Variants in STAMBP observed in about 807,000 individuals in gnomAD.
The protein encoded by STAMBP is STAM-binding protein.
STAMBP carries 31 observed loss-of-function variants against 50.7 expected under a neutral mutation model. The observed-to-expected ratio is 0.61, with a 90% CI of 0.46 to 0.83. The LOEUF is 0.83. Ranked by LOEUF, STAMBP falls within the 40% of genes least tolerant of loss-of-function variation. The pLI is 0.00. For synonymous variants in STAMBP, 211 were observed against 192.4 expected, an observed-to-expected ratio of 1.10 and a Z score of -0.80; for missense variants, 472 against 518.9, an observed-to-expected ratio of 0.91 and a Z score of 0.88.
chr2:73,843,420 G>GTATATATATATA (rs3980653), intron 2 of STAMBP, among the ~76,000 whole-genome samples: 2 of 112,344 alleles, frequency 1.8e-5, no homozygotes, highest in African/African-American at 6.6e-5. Context: ...ATATATATAT[G>GTATATATATATA]TATATATATA....
At chr2:73,837,429 CA>C (rs34700778) in intron 2 of STAMBP, among the ~76,000 whole-genome samples, 36,791 of 151,340 alleles carry the variant, frequency 0.24, 4,574 homozygotes, top group East Asian at 0.34. Flanking sequence ...ACTAAAAATA[CA>C]AAAAATAAGC....
In STAMBP at chr2:73,866,254, G is replaced by A. The variant is rs1678877791; in HGVS notation, c.*3995G>A. ...AGCACTGTGACGCTACATAACCATG[G>A]GCTCTGTCCTTCCAGTTCCTTTAGT... is the stretch of plus-strand genomic sequence containing the variant. On this transcript the variant is annotated 3_prime_UTR_variant, in exon 10 of 10. Coordinates refer to ENST00000394070, the MANE Select transcript of STAMBP (RefSeq NM_213622.4). 1 of 152,212 alleles carries A rather than the reference G, an allele frequency of 6.6e-6. No individual in the cohort carries two copies. The highest frequency in any genetic ancestry group is 1.5e-5 in the Non-Finnish European group (1 of 68,064). 9.4% of individuals were successfully genotyped at this position (152,212 alleles called of 1,614,324 possible). A position where few individuals can be genotyped will look rare whatever the true frequency, so the allele number is the denominator to read the frequency against.
intron 2 of STAMBP, among the ~76,000 whole-genome samples, chr2:73,838,967 T>C (rs1230547354): frequency 6.6e-6 from 1 of 152,242 alleles, no homozygotes; most frequent in Non-Finnish European, 1.5e-5. Flanking sequence ...GTCTGTTTTC[T>C]GTTGTATTTT....
chr2:73,864,271 A>C lies in STAMBP; in HGVS notation c.*2012A>C, dbSNP rs1413996054. Reference sequence around the variant, plus strand: ...AAAGACATTCAGCCAGGTCAACAACATATCATACGTTGCAACCACATTGAT... The same window carrying C: ...AAAGACATTCAGCCAGGTCAACAACCTATCATACGTTGCAACCACATTGAT... On this transcript the variant is annotated 3_prime_UTR_variant, in exon 10 of 10. Coordinates refer to ENST00000394070, the MANE Select transcript of STAMBP (RefSeq NM_213622.4). 6.6e-6 allele frequency: 1 copy of C among 152,252 alleles called. No homozygotes were observed. 9.4% of individuals were successfully genotyped at this position (152,252 alleles called of 1,614,324 possible).
chr2:73,859,214 A>G, intron 7 of STAMBP, 40 bp from the exon 8 acceptor site: 1 of 1,535,294 alleles, frequency 6.5e-7, no homozygotes, highest in Non-Finnish European at 9.0e-7. Context: ...ATTACCATAT[A>G]TCCTCGCTAA....
intron 2 of STAMBP, among the ~76,000 whole-genome samples, chr2:73,832,983 A>G (rs1674151468): frequency 6.6e-6 from 1 of 152,244 alleles, no homozygotes; most frequent in South Asian, 2.1e-4. Flanking sequence ...GTTAAATTTA[A>G]CAGAGTTTAA....
At chr2:73,847,049 TTC>T (rs1225425051) in intron 4 of STAMBP, among the ~76,000 whole-genome samples, 1 of 147,722 alleles carries the variant, frequency 6.8e-6, no homozygotes, top group Non-Finnish European at 1.5e-5. Flanking sequence ...GCCATTGCAC[TTC>T]AGCCTGGGAA....
intron 5 of STAMBP, among the ~76,000 whole-genome samples, chr2:73,847,986 G>A (rs1255559348): frequency 6.6e-6 from 1 of 152,184 alleles, no homozygotes; most frequent in East Asian, 1.9e-4. Context: ...ATTCTTGAAA[G>A]TCAGACTGTC....
intron 10 of STAMBP, among the ~76,000 whole-genome samples, chr2:73,872,524 C>G (rs1384793295): frequency 1.3e-5 from 2 of 149,948 alleles, no homozygotes; most frequent in African/African-American, 5.0e-5. Flanking sequence ...ATGTTACGCT[C>G]TCTGTCCTCA....
In STAMBP at chr2:73,830,934, G is replaced by A; in HGVS notation, c.78G>A (p.Glu26=). The stretch of plus-strand genomic sequence containing the variant: ...TCTCCCAGCTGGGTAGTGCGGTAGA[G>A]GTGAATGAAGACATTCCACCCCGTC... ...RALSQLGSAV[E]VNEDIPPRRY... is the part of the protein sequence containing the mutation. The change falls in exon 2 of 10, where the codon GAG becomes GAA. Residue 26 remains glutamate, a synonymous_variant. Coordinates refer to ENST00000394070, the MANE Select transcript of STAMBP (RefSeq NM_213622.4). 6.2e-7 allele frequency: 1 copy of A among 1,614,132 alleles called. No individual in the cohort carries two copies. The highest frequency in any genetic ancestry group is 1.3e-5 in the African/African-American group (1 of 75,046).
At chr2:73,845,648 T>G (rs2104469149) in intron 4 of STAMBP, among the ~76,000 whole-genome samples, 1 of 152,002 alleles carries the variant, frequency 6.6e-6, no homozygotes, top group African/African-American at 2.4e-5. Flanking sequence ...TTTTTTTTTT[T>G]TTTGAGACAG....
Position 73,859,344 on chromosome 2 carries a change from G to A in STAMBP, c.1096G>A (p.Val366Ile), listed in dbSNP as rs1401093009. 6.2e-7 allele frequency: 1 copy of A among 1,614,114 alleles called. No homozygotes were observed. Among genetic ancestry groups the A allele is most frequent in the South Asian group, 1.1e-5 (1 of 91,076 alleles). Residue 366 changes from valine to isoleucine, a missense_variant, in exon 8 of 10, where the codon GTT (valine) becomes ATT (isoleucine). Physicochemically the swap from Val to Ile is conservative, Grantham distance 29. Transcript: ENST00000394070. ...GATGTTGCCAGAGTCAGTAGCCATT[G>A]TTTGCTCCCCCAAGTTCCAGGAGTG... ...QMMLPESVAI[V>I]CSPKFQETGF... is the part of the protein sequence containing the mutation.
chr2:73,847,668 A>G lies in STAMBP; in HGVS notation c.657A>G (p.Ser219=). The G allele has an allele frequency of 2.5e-6, 4 of 1,614,218 alleles. No individual in the cohort carries two copies. Among genetic ancestry groups the G allele is most frequent in the Non-Finnish European group, 3.4e-6 (4 of 1,180,028 alleles). ...PTLTVSSIQP[S]DCHTTVRPAK... is the part of the protein sequence containing the mutation. Reference sequence around the variant, plus strand: ...TAACAGTCTCATCCATACAGCCTTCAGACTGTCACACAACTGTAAGGCCAG... The same window carrying G: ...TAACAGTCTCATCCATACAGCCTTCGGACTGTCACACAACTGTAAGGCCAG... Residue 219 remains serine, a synonymous_variant, in exon 5 of 10, where the codon TCA becomes TCG. Coordinates refer to ENST00000394070, the MANE Select transcript of STAMBP (RefSeq NM_213622.4).
rs1171586160 is a variant in STAMBP at position 73,834,209 on chromosome 2, TAAAAAAAAA to T, written c.203+3170_203+3178del. Among the ~76,000 whole-genome samples, 26 of 8,540 alleles carry T rather than the reference TAAAAAAAAA, an allele frequency of 3.0e-3. 1 individual carries two copies. Among genetic ancestry groups the T allele is most frequent in the African/African-American group, 7.7e-3 (23 of 2,998 alleles). The allele number at this position is 8,540 out of a possible 152,430, so 5.6% of individuals were successfully genotyped here. A position where few individuals can be genotyped will look rare whatever the true frequency, so the allele number is the denominator to read the frequency against. ...CTGGGGACAGAGCAAGATCATGTCT[TAAAAAAAAA>T]AAAAAAAAAAAAAAAAAAATATATA... On this transcript the variant is annotated intron_variant, in intron 2 of 9. Coordinates refer to ENST00000394070, the MANE Select transcript of STAMBP (RefSeq NM_213622.4).
At chr2:73,835,127 A>T (rs1674552628) in intron 2 of STAMBP, among the ~76,000 whole-genome samples, 1 of 152,142 alleles carries the variant, frequency 6.6e-6, no homozygotes, top group South Asian at 2.1e-4. Context: ...TGATCTCAGC[A>T]CTTTGGGAGG....
chr2:73,831,776 A>G (rs1417960992), intron 2 of STAMBP, among the ~76,000 whole-genome samples: 2 of 152,136 alleles, frequency 1.3e-5, no homozygotes, highest in Non-Finnish European at 2.9e-5. Flanking sequence ...TGAGTAGCTC[A>G]TAGTGTGTTT....
At chr2:73,836,928 T>A (rs536258995) in intron 2 of STAMBP, among the ~76,000 whole-genome samples, 26 of 152,338 alleles carry the variant, frequency 1.7e-4, no homozygotes, top group Admixed American at 9.1e-4. Flanking sequence ...TCCTGAGGCA[T>A]GCAGAGAAGG....
At chr2:73,848,915 TG>T (rs1676460112) in intron 5 of STAMBP, among the ~76,000 whole-genome samples, 1 of 152,170 alleles carries the variant, frequency 6.6e-6, no homozygotes. Context: ...TAAGTTTTTG[TG>T]GGTACATAGT....
chr2:73,837,957 A>G, intron 2 of STAMBP, among the ~76,000 whole-genome samples: 1 of 152,228 alleles, frequency 6.6e-6, no homozygotes, highest in East Asian at 1.9e-4. Flanking sequence ...CATGGGAGCC[A>G]AAATAAATTA....
Sources: allele counts gnomAD v4.1 joint callset (sites outside exome capture counted in the v4.1 genomes callset), GRCh38; gene constraint gnomAD v4.1.1; transcripts MANE v1.5; gene names NCBI Gene and HGNC (gene_info 2026-07-23, HGNC 2026-07-21).